The following HYCC1 variants were observed in gnomAD, a reference collection of about 807,000 sequenced individuals.
HYCC1 encodes hyccin.
the HYCC1 span, among the ~76,000 whole-genome samples, chr7:22,913,451 C>G: frequency 6.6e-6 from 1 of 152,162 alleles, no homozygotes; most frequent in Non-Finnish European, 1.5e-5. Flanking sequence ...GAGTCATACC[C>G]GGCACAGTAG....
At chr7:22,898,057 C>T in the HYCC1 span, among the ~76,000 whole-genome samples, 2 of 151,648 alleles carry the variant, frequency 1.3e-5, no homozygotes. Flanking sequence ...CTTTCTTTCT[C>T]TTTTTTAAAG....
At chr7:22,939,572 T>C in the HYCC1 span, 1 of 152,382 alleles carries the variant, frequency 6.6e-6, no homozygotes, top group South Asian at 2.1e-4. Flanking sequence ...TAAAATGTAT[T>C]ATGATTTACT....
chr7:22,992,715 A>G, the HYCC1 span, among the ~76,000 whole-genome samples: 6 of 152,170 alleles, frequency 3.9e-5, no homozygotes, highest in Admixed American at 2.0e-4. Flanking sequence ...TAAATGCACA[A>G]AAGTTTTCTT....
the HYCC1 span, chr7:22,942,382 A>C: frequency 6.6e-6 from 1 of 152,160 alleles, no homozygotes; most frequent in Admixed American, 6.6e-5. Flanking sequence ...AGTGGTATAC[A>C]AAGGACTCCA....
At chr7:22,922,646 A>G in the HYCC1 span, among the ~76,000 whole-genome samples, 1 of 152,262 alleles carries the variant, frequency 6.6e-6, no homozygotes, top group Admixed American at 6.5e-5. Context: ...GTCAGGGACC[A>G]TCTGTATATG....
the HYCC1 span, among the ~76,000 whole-genome samples, chr7:22,998,180 A>C: frequency 2.0e-5 from 3 of 152,176 alleles, no homozygotes; most frequent in African/African-American, 7.2e-5. Flanking sequence ...AGAAGTTAGG[A>C]AGAACTATTT....
At chr7:22,945,630 G>C in the HYCC1 span, 1 of 1,613,442 alleles carries the variant, frequency 6.2e-7, no homozygotes, top group Non-Finnish European at 8.5e-7. Flanking sequence ...GGAGGTCTCT[G>C]CTGACCTGAT....
the HYCC1 span, among the ~76,000 whole-genome samples, chr7:22,993,329 G>A: frequency 6.6e-6 from 1 of 152,064 alleles, no homozygotes; most frequent in Admixed American, 6.6e-5. Context: ...CATAATCTTA[G>A]GCTAGGCAAA....
chr7:22,987,920 T>C, the HYCC1 span, among the ~76,000 whole-genome samples: 2 of 152,116 alleles, frequency 1.3e-5, no homozygotes, highest in African/African-American at 4.8e-5. Context: ...TTTCTAGAAA[T>C]ATGTATGTAA....
chr7:22,993,612 A>G, the HYCC1 span, among the ~76,000 whole-genome samples: 1 of 152,158 alleles, frequency 6.6e-6, no homozygotes, highest in Non-Finnish European at 1.5e-5. Context: ...GAAACTTAGC[A>G]CATGAAACGT....
At chr7:22,973,758 T>C in the HYCC1 span, among the ~76,000 whole-genome samples, 190 of 152,314 alleles carry the variant, frequency 1.2e-3, 3 homozygotes, top group African/African-American at 4.4e-3. Context: ...TGTTGAAGAA[T>C]TATTCAGTTC....
At chr7:22,897,793 T>C in the HYCC1 span, among the ~76,000 whole-genome samples, 1 of 151,778 alleles carries the variant, frequency 6.6e-6, no homozygotes, top group Non-Finnish European at 1.5e-5. Context: ...TTTTAAAATT[T>C]ATTTATTTAT....
the HYCC1 span, among the ~76,000 whole-genome samples, chr7:22,988,740 T>C: frequency 6.6e-6 from 1 of 152,212 alleles, no homozygotes; most frequent in Non-Finnish European, 1.5e-5. Context: ...TGTAATTCCT[T>C]TTTCAGACAG....
chr7:23,011,743 G>A, the HYCC1 span, among the ~76,000 whole-genome samples: 662 of 152,220 alleles, frequency 4.3e-3, 4 homozygotes, highest in African/African-American at 0.015. Flanking sequence ...ACACTGACTC[G>A]TCATTGTCAA....
the HYCC1 span, among the ~76,000 whole-genome samples, chr7:22,903,445 G>A: frequency 6.6e-6 from 1 of 152,144 alleles, no homozygotes; most frequent in East Asian, 1.9e-4. Context: ...AAAACCTTAT[G>A]CCAACAAATT....
chr7:22,929,491 T>C, the HYCC1 span, among the ~76,000 whole-genome samples: 1 of 151,740 alleles, frequency 6.6e-6, no homozygotes, highest in African/African-American at 2.4e-5. Flanking sequence ...CAAACAAATT[T>C]ACAAGAAAAA....
chr7:22,985,601 G>A, the HYCC1 span: 15 of 151,824 alleles, frequency 9.9e-5, no homozygotes, highest in Admixed American at 7.9e-4. Flanking sequence ...TTCTCCCGAC[G>A]GGGGAAAAAA....
chr7:22,987,845 C>T, the HYCC1 span, among the ~76,000 whole-genome samples: 5 of 152,206 alleles, frequency 3.3e-5, no homozygotes, highest in South Asian at 1.0e-3. Flanking sequence ...AGTTCACTTA[C>T]TCAATCATGA....
chr7:22,983,266 C>T, the HYCC1 span, among the ~76,000 whole-genome samples: 1 of 150,128 alleles, frequency 6.7e-6, no homozygotes, highest in South Asian at 2.1e-4. Context: ...GAGGTCAAGG[C>T]TGCAGTGAGC....
Sources: allele counts gnomAD v4.1 joint callset (sites outside exome capture counted in the v4.1 genomes callset), GRCh38; gene constraint gnomAD v4.1.1; transcripts MANE v1.5; gene names NCBI Gene and HGNC (gene_info 2026-07-23, HGNC 2026-07-21).